Variants in PLCH2 observed in about 807,000 individuals in gnomAD.
PLCH2 encodes phospholipase C eta 2.
In PLCH2, 98 loss-of-function variants were observed where a neutral mutation model predicts 134.7. The observed-to-expected ratio is 0.73, with a 90% CI of 0.62 to 0.86. PLCH2 has a LOEUF of 0.86. PLCH2 is among the 40% of genes least tolerant of loss of function. PLCH2 has a pLI of 0.00. For missense variants in PLCH2, 1,994 were observed against 1,986.6 expected (o/e 1.00, Z -0.07); for synonymous variants, 974 against 827.5 (o/e 1.18, Z -3.04).
chr1:2,485,170 A>G (rs1255358301), intron 5 of PLCH2, among the ~76,000 whole-genome samples: 1 of 152,158 alleles, frequency 6.6e-6, no homozygotes, highest in African/African-American at 2.4e-5. Context: ...TCAGCCCTTT[A>G]TCTAGACCCC....
chr1:2,486,409 T>C (rs1156568157), intron 5 of PLCH2, among the ~76,000 whole-genome samples: 1 of 152,178 alleles, frequency 6.6e-6, no homozygotes, highest in African/African-American at 2.4e-5. Context: ...AGCTGCACCA[T>C]AGCGCCCTGG....
intron 5 of PLCH2, 81 bp downstream of exon 5, chr1:2,484,699 A>G (rs1256892899): frequency 6.7e-7 from 1 of 1,488,256 alleles, no homozygotes; most frequent in Non-Finnish European, 9.1e-7. Flanking sequence ...CAGTCAGGGG[A>G]CAGTGGTGAT....
At chr1:2,495,669 A>G (rs1642846144) in intron 13 of PLCH2, 99 bp downstream of exon 13, 3 of 783,966 alleles carry the variant, frequency 3.8e-6, no homozygotes, top group Non-Finnish European at 2.0e-6. Context: ...ATCCCTGAGC[A>G]GGGCAGGACC....
At chr1:2,476,036 A>G (rs1641596678), upstream of PLCH2, among the ~76,000 whole-genome samples, 1 of 152,212 alleles carries the variant, frequency 6.6e-6, no homozygotes, top group African/African-American at 2.4e-5. Flanking sequence ...CACCCCACAC[A>G]GGGTCCTCGG....
intron 2 of PLCH2, among the ~76,000 whole-genome samples, chr1:2,432,625 G>GC (rs1263494878): frequency 6.6e-6 from 1 of 152,200 alleles, no homozygotes; most frequent in Non-Finnish European, 1.5e-5. Flanking sequence ...GGGCCCGGGG[G>GC]CCCCTGCTGG....
chr1:2,462,900 A>C, upstream of PLCH2, among the ~76,000 whole-genome samples: 1 of 152,204 alleles, frequency 6.6e-6, no homozygotes, highest in Non-Finnish European at 1.5e-5. Flanking sequence ...AGGCCCCCAC[A>C]GTGGGCTTAG....
chr1:2,456,274 G>GC (rs1013793337), intron 2 of PLCH2, among the ~76,000 whole-genome samples: 3 of 152,140 alleles, frequency 2.0e-5, no homozygotes, highest in Admixed American at 1.3e-4. Context: ...TCCGAGCGCA[G>GC]CCCCCCCAGT....
rs543017875 is a variant in PLCH2, at chr1:2,497,527, G to T, written c.2142G>T (p.Gly714=). 5 of 1,558,246 alleles carry T rather than the reference G, an allele frequency of 3.2e-6. No homozygotes were observed. The South Asian group carries it at 4.7e-5, about 15-fold the overall frequency. ...QMVALNYQSE[G]RMLQLNRAKF... ...TTGCCCTGAACTACCAGTCAGAGGGGCGGATGCTGCAGCTGAACCGAGCCA... is the reference window on the plus strand; with the variant it reads ...TTGCCCTGAACTACCAGTCAGAGGGTCGGATGCTGCAGCTGAACCGAGCCA... The change falls in exon 16 of 22, where the codon GGG becomes GGT. Residue 714 remains glycine (G), a synonymous_variant. Transcript: ENST00000378486.
chr1:2,464,818 G>T (rs57631869), upstream of PLCH2, among the ~76,000 whole-genome samples: 4 of 152,334 alleles, frequency 2.6e-5, no homozygotes, highest in African/African-American at 7.2e-5. Flanking sequence ...TGCGGACTCT[G>T]GGGTGGGCAG....
At chr1:2,480,045 G>T (rs1448376846) in intron 3 of PLCH2, 68 bp downstream of exon 3, 2 of 1,582,558 alleles carry the variant, frequency 1.3e-6, no homozygotes, top group South Asian at 1.1e-5. Flanking sequence ...ACCCTGGGGG[G>T]GCCTGTCCTT....
intron 4 of PLCH2, among the ~76,000 whole-genome samples, chr1:2,481,359 C>T (rs2100658623): frequency 6.6e-6 from 1 of 152,382 alleles, no homozygotes; most frequent in Admixed American, 6.5e-5. Flanking sequence ...TGGGGGCTGG[C>T]AGGTGGCTGA....
intron 2 of PLCH2, among the ~76,000 whole-genome samples, chr1:2,431,756 C>A (rs1380895570): frequency 6.6e-6 from 1 of 152,164 alleles, no homozygotes; most frequent in African/African-American, 2.4e-5. Context: ...CCTGCCTCTC[C>A]GTTCCTACCC....
upstream of PLCH2, among the ~76,000 whole-genome samples, chr1:2,476,103 C>T (rs1050960979): frequency 6.6e-6 from 1 of 152,220 alleles, no homozygotes; most frequent in African/African-American, 2.4e-5. Flanking sequence ...GAGGGCCCTC[C>T]CGTTGGTCCT....
chr1:2,502,549 G>C, intron 21 of PLCH2, 140 bp downstream of exon 21: 1 of 947,640 alleles, frequency 1.1e-6, no homozygotes, highest in Non-Finnish European at 1.7e-6. Context: ...TGAACACCGG[G>C]GGCCTGCAGA....
upstream of PLCH2, among the ~76,000 whole-genome samples, chr1:2,464,623 C>T (rs1442104447): frequency 2.0e-5 from 3 of 152,224 alleles, no homozygotes; most frequent in Non-Finnish European, 4.4e-5. Context: ...CTCCCCCAAG[C>T]CAATGGAGAA....
chr1:2,496,694 A>G lies in PLCH2; in HGVS notation c.1923A>G (p.Ile641Met). ...KYTKSVATHD[I>M]EMEAASSWQV... The stretch of plus-strand genomic sequence containing the variant: ...CCAAGTCCGTGGCCACCCACGACAT[A>G]GAGATGGAGGGTGAGTGGCTCGGGG... The change falls in exon 14 of 22, where the codon ATA becomes ATG. Residue 641 changes from isoleucine (I) to methionine (M), a missense_variant. Physicochemically the swap from Ile to Met is conservative, Grantham distance 10 (BLOSUM62 1). This residue lies in a region of PLCH2 where 1,094 missense variants were observed against 1,234.3 expected (regional missense o/e 0.89). Transcript: ENST00000378486. The G allele has an allele frequency of 1.2e-6, 2 of 1,611,812 alleles. No homozygotes were observed. The highest frequency in any genetic ancestry group is 1.7e-6 in the Non-Finnish European group (2 of 1,179,316).
rs368451833 is a variant in PLCH2, at chr1:2,495,495, G to A, written c.1760G>A (p.Gly587Asp). The A allele has an allele frequency of 9.0e-6, 14 of 1,551,532 alleles. No individual in the cohort carries two copies. Among genetic ancestry groups the A allele is most frequent in the Admixed American group, 2.0e-5 (1 of 51,044 alleles). ...VGSFSRRKKKGSKLKKAASVE... is the reference protein window; with the variant it reads ...VGSFSRRKKKDSKLKKAASVE... Reference sequence around the variant, plus strand: ...CCTCTGCCCCCCGCACAGAAGAAGGGCAGCAAGCTGAAGAAGGCGGCCAGC... The same window carrying A: ...CCTCTGCCCCCCGCACAGAAGAAGGACAGCAAGCTGAAGAAGGCGGCCAGC... Residue 587 changes from glycine (G) to aspartate (D), a missense_variant, in exon 13 of 22, where the codon GGC becomes GAC. Gly to Asp is a moderately conservative substitution (Grantham distance 94, BLOSUM62 -1). This residue lies in a region of PLCH2 where 1,094 missense variants were observed against 1,234.3 expected (regional missense o/e 0.89). Transcript: ENST00000378486.
chr1:2,478,089 T>G (rs1445533093), intron 1 of PLCH2, among the ~76,000 whole-genome samples: 1 of 152,078 alleles, frequency 6.6e-6, no homozygotes, highest in South Asian at 2.1e-4. Flanking sequence ...TCCGTCTGAG[T>G]GGTAGCTCTC....
upstream of PLCH2, among the ~76,000 whole-genome samples, chr1:2,423,020 C>T (rs1408711174): frequency 6.6e-6 from 1 of 152,110 alleles, no homozygotes; most frequent in Non-Finnish European, 1.5e-5. Context: ...ACGATAAAAG[C>T]CTTTAAATAT....
Sources: gnomAD v4.1 joint callset for allele counts (sites outside exome capture counted in the v4.1 genomes callset) on GRCh38, gnomAD v4.1.1 for gene constraint, gnomAD v4.1.1 regional missense constraint, MANE v1.5 for transcripts, NCBI Gene and HGNC (gene_info 2026-07-23, HGNC 2026-07-21) for gene names.